The following TNC variants were observed in gnomAD, a reference collection of about 807,000 sequenced individuals.
TNC encodes tenascin.
In TNC, 109 loss-of-function variants were observed where a neutral mutation model predicts 202.4. The observed-to-expected ratio is 0.54, with a 90% CI of 0.46 to 0.63. The LOEUF (loss-of-function observed/expected upper bound fraction) is 0.63, where lower values mean the gene tolerates loss of function less well. TNC is among the 30% of genes least tolerant of loss of function. TNC has a pLI of 0.00. For synonymous variants in TNC, 1,007 were observed against 1,089.7 expected (o/e 0.92, Z 1.50); for missense variants, 2,756 against 2,833.3 (o/e 0.97, Z 0.62).
intron 17 of TNC, among the ~76,000 whole-genome samples, chr9:115,042,854 T>C (rs1231400217): frequency 6.6e-6 from 1 of 152,200 alleles, no homozygotes; most frequent in Non-Finnish European, 1.5e-5. Context: ...GTGATCTTTC[T>C]GGGTCCCAGG....
chr9:115,073,688 C>T lies in TNC; in HGVS notation c.3129G>A (p.Leu1043=), dbSNP rs1186914478. The T allele has an allele frequency of 1.9e-6, 3 of 1,614,034 alleles. No individual in the cohort carries two copies. The highest frequency in any genetic ancestry group is 2.2e-5 in the South Asian group (2 of 91,084). ...RNTTSYVLRG[L]EPGQEYNVLL... The stretch of plus-strand genomic sequence containing the variant: ...GGACATTGTACTCCTGTCCTGGTTC[C>T]AGGCCTCTCAGGACATAGGAAGTGG... The change falls in exon 10 of 28, where the codon CTG becomes CTA. Residue 1043 remains leucine (L), a synonymous_variant. Coordinates refer to ENST00000350763, the MANE Select transcript of TNC (RefSeq NM_002160.4).
At chr9:115,089,037 A>G (rs1291881501) in intron 2 of TNC, among the ~76,000 whole-genome samples, 2 of 152,234 alleles carry the variant, frequency 1.3e-5, no homozygotes, top group Non-Finnish European at 2.9e-5. Flanking sequence ...TATTTTCATT[A>G]GACAGCACTG....
rs1286967332 is a variant in TNC at position 115,078,157 on chromosome 9, C to T, written c.2460G>A (p.Leu820=). ...EVKDVTDTTA[L]ITWFKPLAEI... ...CAGCCAGGGGCTTGAACCAGGTGAT[C>T]AAGGCAGTGGTGTCTGTGACATCTT... Residue 820 remains leucine (L), a synonymous_variant, in exon 7 of 28, where the codon TTG becomes TTA. Transcript: ENST00000350763. The T allele has an allele frequency of 1.9e-6, 3 of 1,613,898 alleles. No homozygotes were observed. The highest frequency in any genetic ancestry group is 3.3e-5 in the Admixed American group (2 of 60,018).
intron 1 of TNC, among the ~76,000 whole-genome samples, chr9:115,099,028 T>G (rs1836013810): frequency 7.0e-6 from 1 of 142,502 alleles, no homozygotes; most frequent in African/African-American, 2.6e-5. Flanking sequence ...TTGAGAAAAC[T>G]CTAACTGCCA....
chr9:115,075,122 GC>G (rs1833744096), intron 9 of TNC, among the ~76,000 whole-genome samples: 1 of 152,068 alleles, frequency 6.6e-6, no homozygotes, highest in Non-Finnish European at 1.5e-5. Context: ...TCCTCATAGT[GC>G]CTGTGGGGAG....
At position 115,026,519 on chromosome 9, in the gene TNC, C is replaced by A. The variant is rs1485290006; in HGVS notation, c.6331+15G>T. On this transcript the variant is annotated intron_variant, in intron 26 of 27. Coordinates refer to ENST00000350763, the MANE Select transcript of TNC (RefSeq NM_002160.4). ...TCCATGGCTTTGTAGGCTCTACGTG[C>A]AGCCACTACTGTACCTGCTGTCCCA... 6.2e-7 allele frequency: 1 copy of A among 1,613,094 alleles called. No homozygotes were observed. The highest frequency in any genetic ancestry group is 8.5e-7 in the Non-Finnish European group (1 of 1,179,258).
In TNC at chr9:115,076,734, A is replaced by G. The variant is rs567116937; in HGVS notation, c.2675-159T>C. On this transcript the variant is annotated intron_variant, in intron 7 of 27. Coordinates refer to ENST00000350763, the MANE Select transcript of TNC (RefSeq NM_002160.4). ...TCCCCATAGTGGATGTGCAAATCTA[A>G]ACAAGTGCTACAGATTTGGCACCTT... Among the ~76,000 whole-genome samples the G allele has an allele frequency of 5.9e-5, 9 of 152,290 alleles. No homozygotes were observed. The East Asian group carries it at 9.6e-4, about 16-fold the overall frequency.
intron 2 of TNC, among the ~76,000 whole-genome samples, chr9:115,088,109 A>G (rs1834937632): frequency 6.6e-6 from 1 of 152,244 alleles, no homozygotes; most frequent in Non-Finnish European, 1.5e-5. Flanking sequence ...TTCAATATCT[A>G]TGCCACATTT....
intron 15 of TNC, chr9:115,052,749 C>A: frequency 1.4e-6 from 1 of 702,154 alleles, no homozygotes; most frequent in Non-Finnish European, 2.6e-6. Context: ...CCTGTAATGA[C>A]AAAGGCAGTG....
rs200404684 is a variant in TNC, at chr9:115,086,787, C to A, written c.944G>T (p.Cys315Phe). The A allele has an allele frequency of 2.5e-6, 4 of 1,613,976 alleles. No homozygotes were observed. The highest frequency in any genetic ancestry group is 3.4e-6 in the Non-Finnish European group (4 of 1,180,020). ...FTGEDCSELI[C>F]PNDCFDRGRC... Reference sequence around the variant, plus strand: ...GCCCCGGTCGAAGCAGTCATTGGGGCAGATGAGCTCACTGCAGTCTTCGCC... The same window carrying A: ...GCCCCGGTCGAAGCAGTCATTGGGGAAGATGAGCTCACTGCAGTCTTCGCC... Residue 315 changes from cysteine (C) to phenylalanine (F), a missense_variant, in exon 3 of 28, where the codon TGC becomes TTC. Around this residue, in one of 2 missense-constraint regions of TNC, gnomAD observed 2,559 missense variants for 2,546.0 expected, o/e 1.01. Coordinates refer to ENST00000350763, the MANE Select transcript of TNC (RefSeq NM_002160.4).
At chr9:115,088,968 T>C (rs1316551696) in intron 2 of TNC, among the ~76,000 whole-genome samples, 2 of 152,212 alleles carry the variant, frequency 1.3e-5, no homozygotes, top group Non-Finnish European at 2.9e-5. Flanking sequence ...TGTTTACTTG[T>C]TTCTTTCTCC....
chr9:115,091,637 A>G (rs1835245607), intron 1 of TNC, among the ~76,000 whole-genome samples: 1 of 152,194 alleles, frequency 6.6e-6, no homozygotes, highest in Admixed American at 6.5e-5. Context: ...GTCCCGGTAG[A>G]TGTTCAGTAA....
chr9:115,084,227 T>G lies in TNC; in HGVS notation c.2113A>C (p.Ser705Arg). The change falls in exon 4 of 28, where the codon AGC (serine) becomes CGC (arginine). Residue 705 changes from serine to arginine, a missense_variant. Ser to Arg is a moderately radical substitution (Grantham distance 110). Coordinates refer to ENST00000350763, the MANE Select transcript of TNC (RefSeq NM_002160.4). The stretch of plus-strand genomic sequence containing the variant: ...CACTCACACGTGGCCACCCTGGCGC[T>G]GACAGGAATGCTCTTCTTGTTCTCC... ...ILENKKSIPV[S>R]ARVATYLPAP... The G allele has an allele frequency of 6.2e-7, 1 of 1,614,154 alleles. No individual in the cohort carries two copies. The highest frequency in any genetic ancestry group is 8.5e-7 in the Non-Finnish European group (1 of 1,180,004).
chr9:115,083,190 T>C (rs1023270583), intron 4 of TNC, among the ~76,000 whole-genome samples: 1 of 152,156 alleles, frequency 6.6e-6, no homozygotes, highest in Admixed American at 6.5e-5. Context: ...TGGGAATGCA[T>C]TGAGGAGTGA....
At chr9:115,092,083 A>G (rs997802484) in intron 1 of TNC, among the ~76,000 whole-genome samples, 1 of 152,226 alleles carries the variant, frequency 6.6e-6, no homozygotes, top group African/African-American at 2.4e-5. Flanking sequence ...AAGAAAATGG[A>G]ATCATCCATC....
At chr9:115,031,298 G>A (rs1764019324) in intron 23 of TNC, among the ~76,000 whole-genome samples, 1 of 152,192 alleles carries the variant, frequency 6.6e-6, no homozygotes, top group African/African-American at 2.4e-5. Flanking sequence ...TTATAGGATG[G>A]AAGTAGCATT....
intron 5 of TNC, among the ~76,000 whole-genome samples, 155 bp downstream of exon 5, chr9:115,082,537 C>T (rs1410827125): frequency 6.6e-6 from 1 of 152,120 alleles, no homozygotes; most frequent in Non-Finnish European, 1.5e-5. Context: ...AACCAACATC[C>T]CTTAAAATAT....
At chr9:115,085,629 G>T (rs1834651754) in intron 3 of TNC, among the ~76,000 whole-genome samples, 1 of 152,140 alleles carries the variant, frequency 6.6e-6, no homozygotes, top group East Asian at 1.9e-4. Context: ...TGTGTCCCTG[G>T]GACAATTATA....
intron 20 of TNC, among the ~76,000 whole-genome samples, chr9:115,036,489 G>A (rs1830343853): frequency 6.6e-6 from 1 of 152,162 alleles, no homozygotes; most frequent in African/African-American, 2.4e-5. Flanking sequence ...GGGGAACTGG[G>A]GGTCAGGAGA....
Sources: allele counts gnomAD v4.1 joint callset (sites outside exome capture counted in the v4.1 genomes callset), GRCh38; gene constraint gnomAD v4.1.1; regional missense constraint gnomAD v4.1.1; transcripts MANE v1.5; gene names NCBI Gene and HGNC (gene_info 2026-07-23, HGNC 2026-07-21).